The following CTNNA3 variants were observed in gnomAD, a reference collection of about 807,000 sequenced individuals.
CTNNA3 encodes catenin alpha 3.
In CTNNA3, 76 loss-of-function variants were observed where a neutral mutation model predicts 95.7. That is an observed-to-expected ratio of 0.79 (90% CI 0.66 to 0.96). The LOEUF (loss-of-function observed/expected upper bound fraction) is 0.96, where lower values mean the gene tolerates loss of function less well. Ranked by LOEUF, CTNNA3 falls within the 40% of genes least tolerant of loss-of-function variation. The probability of loss-of-function intolerance (pLI) is 0.00; values close to 1 mark genes in which losing one functional copy is unlikely to be tolerated. For missense variants in CTNNA3, 1,191 were observed against 1,089.8 expected, an observed-to-expected ratio of 1.09 and a Z score of -1.31; for synonymous variants, 431 against 374.4, an observed-to-expected ratio of 1.15 and a Z score of -1.74.
intron 5 of CTNNA3, among the ~76,000 whole-genome samples, chr10:67,281,487 A>G (rs1839398367): frequency 6.6e-6 from 1 of 152,178 alleles, no homozygotes; most frequent in Non-Finnish European, 1.5e-5. Flanking sequence ...AAGGAGCCCA[A>G]TAAGTCAGGA....
At chr10:67,487,005 T>C (rs1848474053) in intron 5 of CTNNA3, among the ~76,000 whole-genome samples, 1 of 152,078 alleles carries the variant, frequency 6.6e-6, no homozygotes, top group Non-Finnish European at 1.5e-5. Context: ...ACTAAACCTA[T>C]CATCCCAAAT....
At chr10:66,828,644 A>G (rs1842600424) in intron 7 of CTNNA3, among the ~76,000 whole-genome samples, 1 of 152,222 alleles carries the variant, frequency 6.6e-6, no homozygotes, top group Non-Finnish European at 1.5e-5. Context: ...ACAGCAAATA[A>G]AGATACACTT....
At chr10:67,700,850 C>T (rs543273824), upstream of CTNNA3, among the ~76,000 whole-genome samples, 3 of 152,196 alleles carry the variant, frequency 2.0e-5, no homozygotes, top group African/African-American at 4.8e-5. Flanking sequence ...GAAATTCAAA[C>T]CAAAGGCAAA....
chr10:67,425,239 A>T (rs56250149), intron 5 of CTNNA3, among the ~76,000 whole-genome samples: 403 of 152,212 alleles, frequency 2.6e-3, no homozygotes, highest in African/African-American at 9.2e-3. Context: ...ATACTCAGCC[A>T]TGTAGGTGCT....
chr10:66,813,225 C>A (rs554966403), intron 7 of CTNNA3, among the ~76,000 whole-genome samples: 1 of 152,282 alleles, frequency 6.6e-6, no homozygotes, highest in Non-Finnish European at 1.5e-5. Context: ...TCTAAGACAG[C>A]CTTCTCTGCA....
intron 3 of CTNNA3, among the ~76,000 whole-genome samples, chr10:67,551,619 T>G (rs1841036489): frequency 6.6e-6 from 1 of 152,156 alleles, no homozygotes; most frequent in Non-Finnish European, 1.5e-5. Context: ...TTCAGAGCTG[T>G]AAACATTCGC....
At chr10:66,392,087 A>T (rs1398583370) in intron 11 of CTNNA3, among the ~76,000 whole-genome samples, 2 of 151,984 alleles carry the variant, frequency 1.3e-5, no homozygotes, top group Non-Finnish European at 2.9e-5. Context: ...AAATGAATAC[A>T]TTGGACTTCG....
chr10:66,787,332 G>A (rs1328337367), intron 7 of CTNNA3, among the ~76,000 whole-genome samples: 1 of 152,112 alleles, frequency 6.6e-6, no homozygotes, highest in East Asian at 1.9e-4. Flanking sequence ...ACAGGAAAGA[G>A]CATTTTTATT....
chr10:67,674,490 C>G (rs1229650057), intron 1 of CTNNA3, among the ~76,000 whole-genome samples: 1 of 152,044 alleles, frequency 6.6e-6, no homozygotes, highest in African/African-American at 2.4e-5. Flanking sequence ...AGTAGAATTT[C>G]TGGGTCAGAA....
Position 67,562,115 on chromosome 10 carries a change from G to A in CTNNA3, c.293-22446C>T, listed in dbSNP as rs142181451. On this transcript the variant is annotated intron_variant, in intron 3 of 17. Transcript: ENST00000433211. ...AACTATTCCAATCAATAGAAAAAGA[G>A]GGAATCCTCCCTAACTCATTTTATG... Among the ~76,000 whole-genome samples, 661 of 152,274 alleles carry A rather than the reference G, an allele frequency of 4.3e-3. 9 individuals are homozygous for A. The highest frequency in any genetic ancestry group is 0.015 in the African/African-American group (621 of 41,546).
intron 5 of CTNNA3, among the ~76,000 whole-genome samples, chr10:67,354,252 T>A (rs747713705): frequency 2.0e-5 from 3 of 152,022 alleles, no homozygotes; most frequent in Non-Finnish European, 4.4e-5. Context: ...ACTGCCTGTG[T>A]AGCATCTTAC....
At chr10:67,426,126 A>G (rs1256709493) in intron 5 of CTNNA3, among the ~76,000 whole-genome samples, 2 of 152,136 alleles carry the variant, frequency 1.3e-5, no homozygotes, top group Non-Finnish European at 2.9e-5. Context: ...TAGAAAAAAC[A>G]TAGAACAAAT....
intron 1 of CTNNA3, among the ~76,000 whole-genome samples, chr10:67,728,074 T>TAA (rs1564841917): frequency 1.4e-5 from 2 of 142,804 alleles, no homozygotes; most frequent in Non-Finnish European, 3.0e-5. Context: ...ATATTACATA[T>TAA]TATATATTAT....
chr10:67,198,425 C>T (rs1218767403), intron 6 of CTNNA3, among the ~76,000 whole-genome samples: 1 of 151,830 alleles, frequency 6.6e-6, no homozygotes, highest in Non-Finnish European at 1.5e-5. Context: ...AGAGGCAGCT[C>T]CAGAGAATAT....
At chr10:66,866,400 A>C (rs1844180599) in intron 7 of CTNNA3, among the ~76,000 whole-genome samples, 1 of 152,250 alleles carries the variant, frequency 6.6e-6, no homozygotes, top group Admixed American at 6.5e-5. Context: ...CCTACGCATC[A>C]TCATAATTGC....
intron 15 of CTNNA3, among the ~76,000 whole-genome samples, chr10:66,042,898 T>A (rs1456838920): frequency 7.1e-5 from 1 of 14,060 alleles, no homozygotes; most frequent in East Asian, 2.4e-3. Flanking sequence ...AGACTCTGTC[T>A]CAAAAAAAAA....
intron 9 of CTNNA3, among the ~76,000 whole-genome samples, chr10:66,678,130 A>G (rs902589191): frequency 6.6e-6 from 1 of 152,152 alleles, no homozygotes; most frequent in Non-Finnish European, 1.5e-5. Context: ...ACAACAAAAT[A>G]TGCTTTCCCT....
intron 9 of CTNNA3, among the ~76,000 whole-genome samples, chr10:66,653,415 C>A (rs1020601036): frequency 6.6e-6 from 1 of 151,720 alleles, no homozygotes; most frequent in Non-Finnish European, 1.5e-5. Flanking sequence ...GGTAAAAGAC[C>A]TGTGGATTGA....
intron 12 of CTNNA3, among the ~76,000 whole-genome samples, chr10:66,360,811 TCC>T (rs1564897235): frequency 0.015 from 1,213 of 78,650 alleles, 47 homozygotes; most frequent in East Asian, 0.029. Flanking sequence ...CTTCCTTCCT[TCC>T]TTCCTTTCTT....
Sources: allele counts gnomAD v4.1 joint callset (sites outside exome capture counted in the v4.1 genomes callset), GRCh38; gene constraint gnomAD v4.1.1; transcripts MANE v1.5; gene names NCBI Gene and HGNC (gene_info 2026-07-23, HGNC 2026-07-21).